The following DMRTC1 variants were observed in gnomAD, a reference collection of about 807,000 sequenced individuals.
The protein encoded by DMRTC1 is doublesex- and mab-3-related transcription factor C1.
For missense variants in DMRTC1, 9 were observed against 34.6 expected, an observed-to-expected ratio of 0.26 and a Z score of 1.86; for synonymous variants, 7 against 14.1, an observed-to-expected ratio of 0.50 and a Z score of 1.13.
chrX:72,915,908 G>C (rs1371392920), intron 1 of DMRTC1, among the ~76,000 whole-genome samples: 4 of 88,127 alleles, frequency 4.5e-5, no homozygotes, highest in African/African-American at 2.0e-4. Context: ...CCGTGCCTGA[G>C]AGACGTCTCA....
chrX:72,913,436 G>C, intron 1 of DMRTC1: 1 of 432,972 alleles, frequency 2.3e-6, no homozygotes, highest in Admixed American at 3.7e-5. Context: ...CTTTCAACAC[G>C]TCGGCTGAAC....
intron 1 of DMRTC1, among the ~76,000 whole-genome samples, chrX:72,913,717 C>CA (rs1338001744): frequency 1.5e-5 from 1 of 64,847 alleles, no homozygotes; most frequent in East Asian, 5.2e-4. Context: ...GCAATGCACA[C>CA]AGTCTTCATA....
chrX:72,912,828 T>C, intron 1 of DMRTC1: 1 of 454,495 alleles, frequency 2.2e-6, no homozygotes. Context: ...CACTGCTGCA[T>C]CCCTCACCCA....
chrX:72,913,216 C>G (rs1486794243), intron 1 of DMRTC1: 2 of 868,587 alleles, frequency 2.3e-6, no homozygotes, highest in Non-Finnish European at 3.3e-6. Flanking sequence ...CCAGGGCTCC[C>G]GAGGGTCCAC....
At chrX:72,879,875 CTTTA>C (rs2054839627) in intron 1 of DMRTC1, among the ~76,000 whole-genome samples, 1 of 52,296 alleles carries the variant, frequency 1.9e-5, no homozygotes, top group Non-Finnish European at 3.4e-5. Flanking sequence ...GGGCTGCTTT[CTTTA>C]TTTGATTTGT....
intron 1 of DMRTC1, among the ~76,000 whole-genome samples, chrX:72,906,227 G>A (rs2054934844): frequency 6.5e-5 from 2 of 30,562 alleles, no homozygotes; most frequent in South Asian, 3.6e-3. Flanking sequence ...AAGGAGTAAG[G>A]AGATTGGATC....
chrX:72,879,492 CCTT>C (rs1299259892), intron 1 of DMRTC1, among the ~76,000 whole-genome samples: 63 of 64,877 alleles, frequency 9.7e-4, no homozygotes, highest in Admixed American at 1.5e-3. Context: ...GGCCTTTTGT[CCTT>C]CTGCATAAAT....
Position 72,922,662 on chromosome X carries a change from A to AC in DMRTC1, c.-95+20912_-95+20913insG, listed in dbSNP as rs2055007849. ...GAAAAAGAACAACAACAACAACAAA[A>AC]AAAAAAACCCAAAGTTGGCAGAAGA... On this transcript the variant is annotated intron_variant, in intron 1 of 6. Coordinates refer to ENST00000615063, the MANE Select transcript of DMRTC1 (RefSeq NM_033053.3). Among the ~76,000 whole-genome samples the AC allele has an allele frequency of 1.6e-4, 2 of 12,484 alleles. 1 individual carries two copies. Among genetic ancestry groups the AC allele is most frequent in the Non-Finnish European group, 1.4e-3 (2 of 1,443 alleles). The allele number at this position is 12,484 out of a possible 115,157, so 10.8% of individuals were successfully genotyped here. A position where few individuals can be genotyped will look rare whatever the true frequency, so the allele number is the denominator to read the frequency against.
rs5902714 is a variant in DMRTC1 at position 72,876,865 on chromosome X, CTT to C, written c.-94-1079_-94-1078del. On this transcript the variant is annotated intron_variant, in intron 1 of 6. Transcript: ENST00000615063. ...CATCCCTTCATGCATCCCCCCCGGC[CTT>C]TTTTTTTTTTTTTTTTTTTGAGACG... Among the ~76,000 whole-genome samples, 93 of 32,625 alleles carry C rather than the reference CTT, an allele frequency of 2.9e-3. No individual in the cohort carries two copies. The East Asian group carries it at 0.029, about 10-fold the overall frequency. The allele number at this position is 32,625 out of a possible 115,157, so 28.3% of individuals were successfully genotyped here.
At chrX:72,879,362 TTCCC>T (rs2054829743) in intron 1 of DMRTC1, among the ~76,000 whole-genome samples, 1 of 12,821 alleles carries the variant, frequency 7.8e-5, no homozygotes, top group Non-Finnish European at 1.0e-4. Flanking sequence ...TTCCTTTCCC[TTCCC>T]TTCCCTTCCC....
At chrX:72,874,575 TCA>T (rs1236384895) in intron 4 of DMRTC1, among the ~76,000 whole-genome samples, 1 of 71,775 alleles carries the variant, frequency 1.4e-5, no homozygotes, top group East Asian at 9.8e-4. Flanking sequence ...GTCCAAAGTC[TCA>T]CAAATAGAAA....
At chrX:72,879,844 T>TCCTG (rs1450756379) in intron 1 of DMRTC1, among the ~76,000 whole-genome samples, 1 of 65,883 alleles carries the variant, frequency 1.5e-5, no homozygotes. Context: ...CTTCCTTCCT[T>TCCTG]CCTTCCTTCC....
chrX:72,905,791 C>T (rs1305482788), intron 1 of DMRTC1, among the ~76,000 whole-genome samples: 4 of 91,644 alleles, frequency 4.4e-5, no homozygotes, highest in African/African-American at 1.7e-4. Context: ...TGAGTCACGG[C>T]GCCTGGACTA....
chrX:72,922,695 T>A (rs1209086953), intron 1 of DMRTC1, among the ~76,000 whole-genome samples: 2 of 32,922 alleles, frequency 6.1e-5, no homozygotes, highest in Non-Finnish European at 8.6e-5. Flanking sequence ...AGAAAAGAAA[T>A]AACAAAGATC....
intron 1 of DMRTC1, among the ~76,000 whole-genome samples, chrX:72,905,752 G>C (rs1188721957): frequency 2.7e-4 from 17 of 62,910 alleles, no homozygotes; most frequent in African/African-American, 1.2e-3. Context: ...CACCCGCCTC[G>C]GCCTCCCAGA....
At chrX:72,886,904 AT>A (rs1409687641) in intron 1 of DMRTC1, among the ~76,000 whole-genome samples, 1 of 96,679 alleles carries the variant, frequency 1.0e-5, no homozygotes, top group Non-Finnish European at 2.0e-5. Context: ...GTGGTCTTCA[AT>A]TTTTTTTATC....
chrX:72,881,932 T>G (rs1556353082), intron 1 of DMRTC1, among the ~76,000 whole-genome samples: 1 of 114,560 alleles, frequency 8.7e-6, no homozygotes, highest in African/African-American at 3.2e-5. Flanking sequence ...CTGTTTGTAT[T>G]CATCAGTTTT....
intron 1 of DMRTC1, among the ~76,000 whole-genome samples, chrX:72,905,089 C>A: frequency 2.8e-4 from 1 of 3,606 alleles, no homozygotes. Flanking sequence ...TGACAACTGA[C>A]AGTTTATAAC....
At chrX:72,905,536 T>C (rs2054922670) in intron 1 of DMRTC1, among the ~76,000 whole-genome samples, 1 of 34,246 alleles carries the variant, frequency 2.9e-5, no homozygotes, top group South Asian at 1.3e-3. Context: ...TGAGACGGAG[T>C]CTCGCTCTGT....
Sources: gnomAD v4.1 joint callset for allele counts (sites outside exome capture counted in the v4.1 genomes callset) on GRCh38, gnomAD v4.1.1 for gene constraint, MANE v1.5 for transcripts, NCBI Gene and HGNC (gene_info 2026-07-23, HGNC 2026-07-21) for gene names.